Variants in PGM2L1 observed in about 807,000 individuals in gnomAD.
PGM2L1 encodes the protein phosphoglucomutase 2 like 1.
PGM2L1 carries 35 observed loss-of-function variants against 73.4 expected under a neutral mutation model. That is an observed-to-expected ratio of 0.48 (90% CI 0.36 to 0.63). The LOEUF is 0.63. PGM2L1 is among the 30% of genes least tolerant of loss of function. The pLI, the probability that PGM2L1 is intolerant of heterozygous loss-of-function variation, is 0.00. For missense variants in PGM2L1, 570 were observed against 742.0 expected (o/e 0.77, Z 2.69); for synonymous variants, 225 against 253.8 (o/e 0.89, Z 1.08).
In PGM2L1 at chr11:74,379,346, A is replaced by G. The variant is rs192855615; in HGVS notation, c.112-4764T>C. ...AGCTATTCATGAGGGAACCACCTCC[A>G]TGACCCAAACGCCTCCCACCAGGAC... On this transcript the variant is annotated intron_variant, in intron 1 of 13. Transcript: ENST00000298198. Among the ~76,000 whole-genome samples, 7 of 152,294 alleles carry G rather than the reference A, an allele frequency of 4.6e-5. No individual in the cohort carries two copies. The East Asian group carries it at 1.2e-3, about 25-fold the overall frequency.
At chr11:74,365,727 C>T (rs1171021853) in intron 5 of PGM2L1, among the ~76,000 whole-genome samples, 1 of 152,062 alleles carries the variant, frequency 6.6e-6, no homozygotes, top group Admixed American at 6.6e-5. Flanking sequence ...TACTGGAGAG[C>T]ATGTGGAGAA....
chr11:74,331,284 TGGA>T lies in PGM2L1; in HGVS notation c.*5365_*5367del, dbSNP rs1862008727. 1 of 141,166 alleles carries T rather than the reference TGGA, an allele frequency of 7.1e-6. No homozygotes were observed. Among genetic ancestry groups the T allele is most frequent in the Non-Finnish European group, 1.5e-5 (1 of 64,876 alleles). 8.7% of individuals were successfully genotyped at this position (141,166 alleles called of 1,614,324 possible). On this transcript the variant is annotated 3_prime_UTR_variant, in exon 14 of 14. Transcript: ENST00000298198. ...ATATCTTTTTTTTTTTTTTTTGAGA[TGGA>T]GTTTCACTCTTGTTGCCCAGGCTGG...
At chr11:74,353,860 A>G (rs7929635) in intron 5 of PGM2L1, among the ~76,000 whole-genome samples, 31 of 232 alleles carry the variant, frequency 0.13, no homozygotes, top group East Asian at 0.5. Context: ...TACACCTCCC[A>G]GATGGGGTGG....
intron 5 of PGM2L1, among the ~76,000 whole-genome samples, chr11:74,356,076 G>A (rs1862450046): frequency 4.0e-5 from 6 of 150,440 alleles, no homozygotes; most frequent in Admixed American, 4.0e-4. Context: ...AATGTGCTGT[G>A]TAAAGTTAGT....
intron 5 of PGM2L1, among the ~76,000 whole-genome samples, chr11:74,360,818 G>C (rs1328234671): frequency 6.6e-6 from 1 of 152,204 alleles, no homozygotes; most frequent in African/African-American, 2.4e-5. Context: ...ACAGCAGTCT[G>C]AGATAGAACT....
intron 1 of PGM2L1, among the ~76,000 whole-genome samples, chr11:74,382,692 T>C (rs1187569283): frequency 6.6e-6 from 1 of 152,088 alleles, no homozygotes; most frequent in African/African-American, 2.4e-5. Flanking sequence ...AGAGATTGGG[T>C]CTTGCCATGT....
rs772374257 is a variant in PGM2L1, at chr11:74,368,537, C to G, written c.510G>C (p.Val170=). The change falls in exon 5 of 14, where the codon GTG becomes GTC. Residue 170 remains valine, a synonymous_variant. Transcript: ENST00000298198. ...TGCGGTTGTGAGAGGCAGTAATCATCACACCTGCAACTGCTTTGAGCTTCT... is the reference window on the plus strand; with the variant it reads ...TGCGGTTGTGAGAGGCAGTAATCATGACACCTGCAACTGCTTTGAGCTTCT... ...AVQKLKAVAG[V]MITASHNRKE... The G allele has an allele frequency of 6.2e-7, 1 of 1,613,920 alleles. No homozygotes were observed. Among genetic ancestry groups the G allele is most frequent in the Non-Finnish European group, 8.5e-7 (1 of 1,179,850 alleles).
chr11:74,386,563 C>T (rs1195876713), intron 1 of PGM2L1, among the ~76,000 whole-genome samples: 1 of 151,874 alleles, frequency 6.6e-6, no homozygotes, highest in Non-Finnish European at 1.5e-5. Context: ...GCAGCCTCAA[C>T]CTCCCAGGCT....
At chr11:74,395,903 T>C (rs1471822376) in intron 1 of PGM2L1, among the ~76,000 whole-genome samples, 1 of 152,048 alleles carries the variant, frequency 6.6e-6, no homozygotes, top group African/African-American at 2.4e-5. Context: ...CCCAACAATG[T>C]ATAGGCATAG....
intron 1 of PGM2L1, among the ~76,000 whole-genome samples, chr11:74,388,414 T>C (rs1863045966): frequency 6.6e-6 from 1 of 152,346 alleles, no homozygotes; most frequent in South Asian, 2.1e-4. Flanking sequence ...TTTTAATACA[T>C]ATAGAGCCAT....
At position 74,398,270 on chromosome 11, in the gene PGM2L1, G is replaced by A; in HGVS notation, c.-109C>T. Reference sequence around the variant, plus strand: ...TCCAGGCGTCCCCACCTCACTGAAGGGCATCGGAGACCAACCGCAGGGTGT... The same window carrying A: ...TCCAGGCGTCCCCACCTCACTGAAGAGCATCGGAGACCAACCGCAGGGTGT... On this transcript the variant is annotated 5_prime_UTR_variant, in exon 1 of 14. Coordinates refer to ENST00000298198, the MANE Select transcript of PGM2L1 (RefSeq NM_173582.6). 1.4e-6 allele frequency: 2 copies of A among 1,404,594 alleles called. No individual in the cohort carries two copies. Among genetic ancestry groups the A allele is most frequent in the African/African-American group, 1.4e-5 (1 of 69,256 alleles). The allele number at this position is 1,404,594 out of a possible 1,614,324, so 87.0% of individuals were successfully genotyped here.
chr11:74,349,674 T>C (rs996634112), intron 6 of PGM2L1, among the ~76,000 whole-genome samples: 13 of 152,160 alleles, frequency 8.5e-5, no homozygotes, highest in African/African-American at 2.7e-4. Flanking sequence ...AACTAGTATT[T>C]TGGTATTTTA....
chr11:74,340,822 G>A (rs1449272018), intron 12 of PGM2L1, among the ~76,000 whole-genome samples: 4 of 152,080 alleles, frequency 2.6e-5, no homozygotes, highest in South Asian at 2.1e-4. Context: ...TAGAGGTCGC[G>A]TGGAACAGGT....
rs148579414 is a variant in PGM2L1, at chr11:74,346,752, T to C, written c.1017A>G (p.Ala339=). ...LATDPDADRL[A]AAELQENGCW... The stretch of plus-strand genomic sequence containing the variant: ...CATACTTCTCCTGAAGTTCTGCTGC[T>C]GCCAGTCTGTCTGCATCAGGATCTG... The change falls in exon 8 of 14, where the codon GCA becomes GCG. Residue 339 remains alanine (A), a synonymous_variant. Coordinates refer to ENST00000298198, the MANE Select transcript of PGM2L1 (RefSeq NM_173582.6). 8.9e-4 allele frequency: 1,437 copies of C among 1,613,904 alleles called. 13 individuals are homozygous for C. The African/African-American group carries it at 0.017, about 19-fold the overall frequency.
At chr11:74,354,540 AT>A in intron 5 of PGM2L1, 4 of 1,204,058 alleles carry the variant, frequency 3.3e-6, no homozygotes, top group Non-Finnish European at 3.7e-6. Context: ...CTGAGGAGCC[AT>A]TTTGAGCAAT....
At chr11:74,388,796 C>A (rs1054127203) in intron 1 of PGM2L1, among the ~76,000 whole-genome samples, 1 of 152,154 alleles carries the variant, frequency 6.6e-6, no homozygotes, top group African/African-American at 2.4e-5. Context: ...ATCTCACTGC[C>A]TTCCTGTCTA....
Position 74,336,663 on chromosome 11 carries a change from G to T in PGM2L1, c.1858C>A (p.Arg620Ser). The change falls in exon 14 of 14, where the codon CGT (arginine) becomes AGT (serine). Residue 620 changes from arginine to serine, a missense_variant. Physicochemically the swap from Arg to Ser is moderately radical, Grantham distance 110 (BLOSUM62 -1). Transcript: ENST00000298198. ...LQPSKNGLIW[R>S]SV Reference sequence around the variant, plus strand: ...ATATTGGTGTACCCCTAAACAGAACGCCAGATCAGTCCATTCTTACTAGGC... The same window carrying T: ...ATATTGGTGTACCCCTAAACAGAACTCCAGATCAGTCCATTCTTACTAGGC... The T allele has an allele frequency of 6.2e-7, 1 of 1,605,910 alleles. No homozygotes were observed. Among genetic ancestry groups the T allele is most frequent in the Non-Finnish European group, 8.5e-7 (1 of 1,174,062 alleles).
intron 4 of PGM2L1, 94 bp from the exon 5 acceptor site, chr11:74,368,669 T>TTA: frequency 1.0e-6 from 1 of 989,918 alleles, no homozygotes; most frequent in South Asian, 1.4e-5. Flanking sequence ...AGGAAAAGCA[T>TTA]TATAGTATGA....
chr11:74,371,703 C>T lies in PGM2L1; in HGVS notation c.386+8G>A, dbSNP rs117508615. 2,543 of 1,604,858 alleles carry T rather than the reference C, an allele frequency of 1.6e-3. 64 individuals carry two copies. The East Asian group carries it at 0.047, about 30-fold the overall frequency. On this transcript the variant is annotated splice_region_variant and intron_variant, in intron 3 of 13. Coordinates refer to ENST00000298198, the MANE Select transcript of PGM2L1 (RefSeq NM_173582.6). Reference sequence around the variant, plus strand: ...TCAACTTAATCTTTGAAACAATTAACTTTGTACCTCTGGCTGCTGCAGCTG... The same window carrying T: ...TCAACTTAATCTTTGAAACAATTAATTTTGTACCTCTGGCTGCTGCAGCTG...
Sources: gnomAD v4.1 joint callset for allele counts (sites outside exome capture counted in the v4.1 genomes callset) on GRCh38, gnomAD v4.1.1 for gene constraint, MANE v1.5 for transcripts, NCBI Gene and HGNC (gene_info 2026-07-23, HGNC 2026-07-21) for gene names.